The following PTPRD variants were observed in gnomAD, a reference collection of about 807,000 sequenced individuals.
PTPRD encodes the protein receptor-type tyrosine-protein phosphatase delta.
A neutral mutation model predicts 214.5 loss-of-function variants in PTPRD; 34 were observed. That is an observed-to-expected ratio of 0.16 (90% CI 0.12 to 0.21). PTPRD has a LOEUF of 0.21. Among genes scored for constraint, PTPRD ranks in the 10% least tolerant of loss-of-function variants. PTPRD has a pLI of 1.00. For synonymous variants in PTPRD, 1,128 were observed against 845.7 expected (o/e 1.33, Z -5.79); for missense variants, 2,545 against 2,398.7 (o/e 1.06, Z -1.27).
chr9:10,334,642 G>T (rs897055543), intron 3 of PTPRD, among the ~76,000 whole-genome samples: 2 of 151,360 alleles, frequency 1.3e-5, no homozygotes, highest in African/African-American at 4.8e-5. Context: ...CGGATGACAA[G>T]ATCACCTATG....
intron 14 of PTPRD, among the ~76,000 whole-genome samples, chr9:8,547,484 T>C (rs894568660): frequency 4.6e-5 from 7 of 151,438 alleles, no homozygotes; most frequent in African/African-American, 1.5e-4. Context: ...CTGTACAAAA[T>C]ATACAAAAAT....
At chr9:9,617,669 T>C (rs1040502720) in intron 7 of PTPRD, among the ~76,000 whole-genome samples, 1 of 151,926 alleles carries the variant, frequency 6.6e-6, no homozygotes, top group South Asian at 2.1e-4. Flanking sequence ...CAGAGCATAG[T>C]ATTTGAAGGG....
At chr9:10,280,265 T>C (rs2095022112) in intron 3 of PTPRD, among the ~76,000 whole-genome samples, 1 of 152,006 alleles carries the variant, frequency 6.6e-6, no homozygotes, top group Non-Finnish European at 1.5e-5. Context: ...TAGTAATCAA[T>C]TACCTGAGGT....
intron 3 of PTPRD, among the ~76,000 whole-genome samples, chr9:10,211,611 A>T (rs2099517333): frequency 6.6e-6 from 1 of 152,174 alleles, no homozygotes; most frequent in South Asian, 2.1e-4. Context: ...TAAAGATACA[A>T]TGAGCCCTAA....
intron 32 of PTPRD, among the ~76,000 whole-genome samples, chr9:8,464,922 G>C (rs997218282): frequency 1.3e-5 from 2 of 151,762 alleles, no homozygotes; most frequent in Non-Finnish European, 2.9e-5. Context: ...CCTCTTTCTA[G>C]ATAGACCTTC....
Position 10,280,856 on chromosome 9 carries a change from C to G in PTPRD, c.-545+60107G>C, listed in dbSNP as rs922821991. ...TCTTGAACTCCTGGGCTCAAGCTGT[C>G]CTCTCTCCTAGGCCTCCCAAGGTGC... is the stretch of plus-strand genomic sequence containing the variant. On this transcript the variant is annotated intron_variant, in intron 3 of 45. Transcript: ENST00000381196. 2.0e-5 allele frequency among the ~76,000 whole-genome samples: 3 copies of G among 151,924 alleles called. No individual in the cohort carries two copies. In the East Asian group the frequency reaches 5.8e-4, roughly 29 times the overall value.
intron 11 of PTPRD, among the ~76,000 whole-genome samples, chr9:8,827,787 T>C (rs1228589494): frequency 1.3e-5 from 2 of 152,186 alleles, no homozygotes; most frequent in Non-Finnish European, 2.9e-5. Flanking sequence ...TATTAAAATT[T>C]ATGAATTAAA....
intron 7 of PTPRD, among the ~76,000 whole-genome samples, chr9:9,582,033 A>G (rs1244803011): frequency 1.3e-5 from 2 of 152,158 alleles, no homozygotes; most frequent in Non-Finnish European, 2.9e-5. Flanking sequence ...ATTGCATTCT[A>G]TAATCTCTTC....
intron 2 of PTPRD, among the ~76,000 whole-genome samples, chr9:10,501,931 T>C (rs2043870413): frequency 1.3e-5 from 2 of 151,946 alleles, no homozygotes; most frequent in Admixed American, 1.3e-4. Context: ...GAGATACTGA[T>C]TTACCTGGTC....
chr9:10,478,836 C>T (rs1287106114), intron 2 of PTPRD, among the ~76,000 whole-genome samples: 1 of 151,802 alleles, frequency 6.6e-6, no homozygotes, highest in Non-Finnish European at 1.5e-5. Flanking sequence ...CTTATGATAA[C>T]TGAAACTGAA....
At chr9:8,349,185 T>G (rs1452297025) in intron 39 of PTPRD, among the ~76,000 whole-genome samples, 1 of 152,218 alleles carries the variant, frequency 6.6e-6, no homozygotes, top group Non-Finnish European at 1.5e-5. Flanking sequence ...GTAATGCTTA[T>G]AATTTGATGA....
chr9:8,897,589 A>G (rs973681574), intron 11 of PTPRD, among the ~76,000 whole-genome samples: 1 of 152,194 alleles, frequency 6.6e-6, no homozygotes, highest in Non-Finnish European at 1.5e-5. Flanking sequence ...AAAACAACAC[A>G]GACAAGGATT....
Position 9,348,527 on chromosome 9 carries a change from T to A in PTPRD, c.-203+48922A>T, listed in dbSNP as rs576430611. Among the ~76,000 whole-genome samples, 3 of 152,218 alleles carry A rather than the reference T, an allele frequency of 2.0e-5. No individual in the cohort carries two copies. In the East Asian group the frequency reaches 5.8e-4, roughly 29 times the overall value. ...GTATGCTGGGTGGGTGAACAAATAC[T>A]GTGGGTGAAAATCACCCCTTTAATC... On this transcript the variant is annotated intron_variant, in intron 9 of 45. Transcript: ENST00000381196.
intron 11 of PTPRD, among the ~76,000 whole-genome samples, chr9:8,858,934 A>G (rs1407331573): frequency 6.6e-6 from 1 of 152,176 alleles, no homozygotes; most frequent in Non-Finnish European, 1.5e-5. Flanking sequence ...TCTCCAACAG[A>G]TTCACTCATC....
At chr9:10,413,234 T>G (rs1283026005) in intron 2 of PTPRD, among the ~76,000 whole-genome samples, 2 of 152,058 alleles carry the variant, frequency 1.3e-5, no homozygotes, top group East Asian at 3.9e-4. Context: ...CAAAAGCTCT[T>G]TCAGCTAAGA....
intron 5 of PTPRD, among the ~76,000 whole-genome samples, chr9:9,769,087 G>A (rs1176590251): frequency 1.3e-5 from 2 of 151,616 alleles, no homozygotes; most frequent in East Asian, 1.9e-4. Flanking sequence ...AATATTAGGA[G>A]GAAATAAGAC....
chr9:10,093,568 T>G (rs1396677676), intron 3 of PTPRD, among the ~76,000 whole-genome samples: 1 of 151,518 alleles, frequency 6.6e-6, no homozygotes, highest in Non-Finnish European at 1.5e-5. Flanking sequence ...AAAGTACTTT[T>G]TGACCTAGTA....
chr9:10,589,308 A>G (rs1403724360), intron 2 of PTPRD, among the ~76,000 whole-genome samples: 1 of 152,086 alleles, frequency 6.6e-6, no homozygotes, highest in Non-Finnish European at 1.5e-5. Context: ...AGGGAAGAAC[A>G]CAAACTGAAC....
At chr9:9,044,861 C>G (rs1453817682) in intron 10 of PTPRD, among the ~76,000 whole-genome samples, 1 of 152,074 alleles carries the variant, frequency 6.6e-6, no homozygotes, top group African/African-American at 2.4e-5. Flanking sequence ...AAATAGTTAC[C>G]TTGAATATAC....
Sources: allele counts gnomAD v4.1 joint callset (sites outside exome capture counted in the v4.1 genomes callset), GRCh38; gene constraint gnomAD v4.1.1; transcripts MANE v1.5; gene names NCBI Gene and HGNC (gene_info 2026-07-23, HGNC 2026-07-21).